ZDHHC14: variants seen among roughly 807,000 people sequenced by gnomAD.
The protein encoded by ZDHHC14 is zDHHC palmitoyltransferase 14.
Under a neutral mutation model 47.7 loss-of-function variants are expected in ZDHHC14, and 16 were observed. The ratio of observed to expected loss-of-function variants is 0.34; its 90% CI spans 0.23 to 0.51. ZDHHC14 has a LOEUF of 0.51. ZDHHC14 is among the 20% of genes least tolerant of loss of function. The pLI is 0.97. For missense variants in ZDHHC14, 515 were observed against 662.5 expected (o/e 0.78, Z 2.44); for synonymous variants, 293 against 278.9 (o/e 1.05, Z -0.50).
At chr6:157,566,932 C>A (rs1782926886) in intron 2 of ZDHHC14, among the ~76,000 whole-genome samples, 2 of 151,088 alleles carry the variant, frequency 1.3e-5, no homozygotes, top group African/African-American at 4.9e-5. Context: ...CTCACTGCAA[C>A]CTCTGCCACC....
intron 1 of ZDHHC14, among the ~76,000 whole-genome samples, chr6:157,391,783 A>G (rs1360911249): frequency 1.3e-5 from 2 of 152,074 alleles, no homozygotes; most frequent in East Asian, 3.9e-4. Flanking sequence ...TTTTCAGACT[A>G]TGCTTTTGTA....
intron 1 of ZDHHC14, among the ~76,000 whole-genome samples, chr6:157,503,127 T>C (rs549530794): frequency 6.6e-6 from 1 of 152,348 alleles, no homozygotes; most frequent in East Asian, 1.9e-4. Flanking sequence ...GCAGGCTCCA[T>C]GTTGGTCTGT....
At chr6:157,531,169 C>T (rs1361331972) in intron 1 of ZDHHC14, among the ~76,000 whole-genome samples, 1 of 152,074 alleles carries the variant, frequency 6.6e-6, no homozygotes, top group Non-Finnish European at 1.5e-5. Context: ...ACCCAGATGT[C>T]CCGGGTCTGC....
Position 157,406,235 on chromosome 6 carries a change from G to C in ZDHHC14, c.245+23969G>C, listed in dbSNP as rs1210128891. Among the ~76,000 whole-genome samples the C allele has an allele frequency of 2.0e-5, 3 of 152,268 alleles. No individual in the cohort carries two copies. In the East Asian group the frequency reaches 5.8e-4, roughly 29 times the overall value. On this transcript the variant is annotated intron_variant, in intron 1 of 8. Transcript: ENST00000359775. ...TCAGAGCTTGGAATCCTGGAGGACCGGGTGCTGAGAGGTGCACAGGAGGGA... is the reference window on the plus strand; with the variant it reads ...TCAGAGCTTGGAATCCTGGAGGACCCGGTGCTGAGAGGTGCACAGGAGGGA...
intron 2 of ZDHHC14, among the ~76,000 whole-genome samples, chr6:157,562,871 G>A (rs1333419975): frequency 6.9e-6 from 1 of 144,720 alleles, no homozygotes; most frequent in Non-Finnish European, 1.5e-5. Context: ...GTTCCCTCCC[G>A]CCTCCCACCG....
intron 1 of ZDHHC14, among the ~76,000 whole-genome samples, chr6:157,482,273 T>C (rs565499477): frequency 6.7e-6 from 1 of 150,134 alleles, no homozygotes; most frequent in African/African-American, 2.4e-5. Flanking sequence ...TTTTTTTTTT[T>C]TTTTTGAGAT....
rs1554264587 is a variant in ZDHHC14, at chr6:157,540,910, G to GTATATATATATATATA, written c.246-1666_246-1651dup. On this transcript the variant is annotated intron_variant, in intron 1 of 8. Coordinates refer to ENST00000359775, the MANE Select transcript of ZDHHC14 (RefSeq NM_024630.3). Reference sequence around the variant, plus strand: ...TGTATGTGTGTGTGTGTGTGTGTGTGTATATATATATATATATATATATAA... The same window carrying GTATATATATATATATA: ...TGTATGTGTGTGTGTGTGTGTGTGTGTATATATATATATATATATATATATATATATATATATATAA... Among the ~76,000 whole-genome samples the GTATATATATATATATA allele has an allele frequency of 7.2e-4, 88 of 122,964 alleles. 1 individual carries two copies. The highest frequency in any genetic ancestry group is 3.3e-3 in the African/African-American group (77 of 23,054). 80.7% of individuals were successfully genotyped at this position (122,964 alleles called of 152,430 possible). A position where few individuals can be genotyped will look rare whatever the true frequency, so the allele number is the denominator to read the frequency against.
chr6:157,488,873 G>A (rs1779843362), intron 1 of ZDHHC14, among the ~76,000 whole-genome samples: 1 of 152,240 alleles, frequency 6.6e-6, no homozygotes, highest in African/African-American at 2.4e-5. Flanking sequence ...CGGTGTGGAG[G>A]TGCCTTAGTG....
rs930759513 is a variant in ZDHHC14, at chr6:157,597,393, A to G, written c.565+4247A>G. ...TCTGTCGTTTGGTGGGCCCTAGTCCAGCGTCGGAATTGCCAGCAGCTTTCG... is the reference window on the plus strand; with the variant it reads ...TCTGTCGTTTGGTGGGCCCTAGTCCGGCGTCGGAATTGCCAGCAGCTTTCG... On this transcript the variant is annotated intron_variant, in intron 3 of 8. Coordinates refer to ENST00000359775, the MANE Select transcript of ZDHHC14 (RefSeq NM_024630.3). Among the ~76,000 whole-genome samples, 11 of 152,330 alleles carry G rather than the reference A, an allele frequency of 7.2e-5. No homozygotes were observed. The East Asian group carries it at 1.9e-3, about 27-fold the overall frequency.
intron 2 of ZDHHC14, among the ~76,000 whole-genome samples, chr6:157,580,448 A>G (rs1783470586): frequency 6.6e-6 from 1 of 151,990 alleles, no homozygotes; most frequent in African/African-American, 2.4e-5. Flanking sequence ...TTTTTTTGGA[A>G]CAGTTTCAGT....
chr6:157,589,654 C>T (rs150602091), intron 2 of ZDHHC14, among the ~76,000 whole-genome samples: 1 of 152,140 alleles, frequency 6.6e-6, no homozygotes. Flanking sequence ...GCCTCCCCAG[C>T]CCTTCAGAAC....
intron 8 of ZDHHC14, among the ~76,000 whole-genome samples, chr6:157,670,929 C>G (rs1376807530): frequency 6.6e-6 from 1 of 152,136 alleles, no homozygotes. Flanking sequence ...TAGAAAGAAA[C>G]CCATGAGGCT....
intron 1 of ZDHHC14, among the ~76,000 whole-genome samples, chr6:157,514,072 C>T (rs1021714422): frequency 6.6e-4 from 100 of 152,162 alleles, no homozygotes; most frequent in African/African-American, 2.4e-3. Context: ...TTTGCTTCAC[C>T]AGATTTGGCT....
intron 5 of ZDHHC14, among the ~76,000 whole-genome samples, chr6:157,636,335 A>ATG (rs1562521374): frequency 1.9e-5 from 1 of 52,202 alleles, no homozygotes. Context: ...AAGGATATAT[A>ATG]AGTGTGTGTG....
intron 7 of ZDHHC14, among the ~76,000 whole-genome samples, chr6:157,648,260 G>C (rs1303066593): frequency 6.6e-6 from 1 of 152,162 alleles, no homozygotes; most frequent in Non-Finnish European, 1.5e-5. Flanking sequence ...AGTTATTACT[G>C]CTTCCTACCT....
intron 3 of ZDHHC14, among the ~76,000 whole-genome samples, chr6:157,620,915 A>G (rs1453334950): frequency 6.6e-6 from 1 of 152,248 alleles, no homozygotes; most frequent in Non-Finnish European, 1.5e-5. Flanking sequence ...AATGGGAATA[A>G]TAACATTGAG....
chr6:157,392,422 A>C (rs896834840), intron 1 of ZDHHC14, among the ~76,000 whole-genome samples: 4 of 151,932 alleles, frequency 2.6e-5, no homozygotes, highest in African/African-American at 9.7e-5. Context: ...CTCTGATCTC[A>C]TACCTAATGT....
At chr6:157,649,472 C>T (rs866103182) in intron 7 of ZDHHC14, among the ~76,000 whole-genome samples, 3 of 152,234 alleles carry the variant, frequency 2.0e-5, no homozygotes, top group South Asian at 4.1e-4. Context: ...CTCGTCCCCT[C>T]TTGCCTTGCC....
chr6:157,648,845 A>G (rs1399417065), intron 7 of ZDHHC14, among the ~76,000 whole-genome samples: 1 of 152,236 alleles, frequency 6.6e-6, no homozygotes, highest in Non-Finnish European at 1.5e-5. Flanking sequence ...TGTGACTAGC[A>G]GGGCAGGTCA....
Sources: allele counts gnomAD v4.1 joint callset (sites outside exome capture counted in the v4.1 genomes callset), GRCh38; gene constraint gnomAD v4.1.1; transcripts MANE v1.5; gene names NCBI Gene and HGNC (gene_info 2026-07-23, HGNC 2026-07-21).